Variants in SPECC1 observed in about 807,000 individuals in gnomAD.
The protein encoded by SPECC1 is sperm antigen with calponin homology and coiled-coil domains 1, also known as cytospin-B.
A neutral mutation model predicts 104.1 loss-of-function variants in SPECC1; 62 were observed. The ratio of observed to expected loss-of-function variants is 0.60; its 90% CI spans 0.49 to 0.74. The LOEUF (loss-of-function observed/expected upper bound fraction) is 0.74. Ranked by LOEUF, SPECC1 falls within the 30% of genes least tolerant of loss-of-function variation. The pLI is 0.00. For synonymous variants in SPECC1, 513 were observed against 501.6 expected, an observed-to-expected ratio of 1.02 and a Z score of -0.30; for missense variants, 1,306 against 1,310.5, an observed-to-expected ratio of 1.00 and a Z score of 0.05.
At chr17:20,135,857 C>T (rs936296214) in intron 3 of SPECC1, among the ~76,000 whole-genome samples, 5 of 152,106 alleles carry the variant, frequency 3.3e-5, no homozygotes, top group Non-Finnish European at 5.9e-5. Context: ...ATGAGAAGAC[C>T]ATAAGAAAAG....
At chr17:20,057,010 G>T (rs2045989907) in intron 1 of SPECC1, among the ~76,000 whole-genome samples, 1 of 152,092 alleles carries the variant, frequency 6.6e-6, no homozygotes. Flanking sequence ...ATGATGATGA[G>T]TGTTTTTGCT....
chr17:20,057,796 T>G (rs921158537), intron 1 of SPECC1: 51 of 152,194 alleles, frequency 3.4e-4, no homozygotes, highest in African/African-American at 1.2e-3. Flanking sequence ...CCAGTCCAAG[T>G]GTTTCTATTT....
rs10577710 is a variant in SPECC1, at chr17:20,136,426, T to TAAA, written c.283+25879_283+25881dup. On this transcript the variant is annotated intron_variant, in intron 3 of 14. Transcript: ENST00000395527. ...GGTGGCAGAGCTAGACTCCATCTAT[T>TAAA]AAAAAAAAAAAAAAAAATCTGTCTT... Among the ~76,000 whole-genome samples the TAAA allele has an allele frequency of 5.8e-3, 831 of 144,230 alleles. 6 individuals carry two copies. Among genetic ancestry groups the TAAA allele is most frequent in the African/African-American group, 0.018 (679 of 38,310 alleles). The allele number at this position is 144,230 out of a possible 152,430, so 94.6% of individuals were successfully genotyped here.
intron 1 of SPECC1, among the ~76,000 whole-genome samples, chr17:20,079,085 A>G (rs2046870952): frequency 6.6e-6 from 1 of 152,194 alleles, no homozygotes; most frequent in African/African-American, 2.4e-5. Context: ...AGATGCTTAA[A>G]GGTCTTAACT....
chr17:20,313,271 CAAAA>C (rs1186841916), intron 14 of SPECC1, among the ~76,000 whole-genome samples: 1 of 151,956 alleles, frequency 6.6e-6, no homozygotes, highest in Non-Finnish European at 1.5e-5. Context: ...AACAAACAAA[CAAAA>C]AAACACATTA....
chr17:20,215,387 T>C (rs2037422419), intron 4 of SPECC1, among the ~76,000 whole-genome samples: 1 of 152,216 alleles, frequency 6.6e-6, no homozygotes, highest in South Asian at 2.1e-4. Flanking sequence ...CACTATATAA[T>C]AAACAGATTA....
At chr17:20,018,051 A>T (rs1437542441) in intron 1 of SPECC1, 1 of 152,418 alleles carries the variant, frequency 6.6e-6, no homozygotes, top group Non-Finnish European at 1.5e-5. Context: ...TGTGTATTCC[A>T]TGTGAGGGGA....
At chr17:20,092,582 TC>T (rs760527366) in intron 1 of SPECC1, among the ~76,000 whole-genome samples, 4 of 152,146 alleles carry the variant, frequency 2.6e-5, no homozygotes, top group Non-Finnish European at 5.9e-5. Flanking sequence ...ATCTGATATG[TC>T]TGTCTGCCTC....
At chr17:20,203,302 AG>A (rs2036556670) in intron 3 of SPECC1, among the ~76,000 whole-genome samples, 1 of 150,566 alleles carries the variant, frequency 6.6e-6, no homozygotes, top group Non-Finnish European at 1.5e-5. Context: ...AAAAAAGTCC[AG>A]GATTTTATTT....
At chr17:20,247,124 T>A in intron 8 of SPECC1, 95 bp from the exon 9 acceptor site, 1 of 930,118 alleles carries the variant, frequency 1.1e-6, no homozygotes. Flanking sequence ...GGATACTCCT[T>A]AAGCCACCAA....
intron 14 of SPECC1, among the ~76,000 whole-genome samples, chr17:20,313,260 T>TAACA (rs570187358): frequency 6.6e-6 from 1 of 152,144 alleles, no homozygotes; most frequent in Non-Finnish European, 1.5e-5. Context: ...CTGTATTAAA[T>TAACA]AACAAACAAA....
intron 14 of SPECC1, among the ~76,000 whole-genome samples, chr17:20,306,365 A>G (rs930382241): frequency 2.0e-5 from 3 of 152,242 alleles, no homozygotes; most frequent in African/African-American, 7.2e-5. Context: ...AGAAATCTGA[A>G]TAAAATGCTA....
At chr17:20,206,179 A>G (rs940863335) in intron 4 of SPECC1, among the ~76,000 whole-genome samples, 2 of 152,188 alleles carry the variant, frequency 1.3e-5, no homozygotes, top group African/African-American at 4.8e-5. Context: ...AAAGAATATC[A>G]TACAGCCTAT....
At chr17:20,015,994 G>T (rs2044109732) in intron 1 of SPECC1, among the ~76,000 whole-genome samples, 2 of 150,472 alleles carry the variant, frequency 1.3e-5, no homozygotes, top group Non-Finnish European at 3.0e-5. Flanking sequence ...GATGGATCAC[G>T]AGGTCAGGAG....
intron 2 of SPECC1, 21 bp from the exon 3 acceptor site, chr17:20,110,406 C>T (rs2048427381): frequency 6.3e-7 from 1 of 1,598,618 alleles, no homozygotes; most frequent in Non-Finnish European, 8.5e-7. Context: ...CATCCTCTCT[C>T]TTTCCTTCCA....
intron 7 of SPECC1, chr17:20,238,841 T>G: frequency 3.8e-6 from 4 of 1,045,574 alleles, no homozygotes; most frequent in Non-Finnish European, 4.6e-6. Context: ...GTTGAATATT[T>G]TTATCTGTAA....
chr17:20,190,394 G>GCTGCTGCCCTGCTGCCCTGCTGCC (rs71312905), intron 3 of SPECC1, among the ~76,000 whole-genome samples: 12 of 151,148 alleles, frequency 7.9e-5, no homozygotes. Context: ...AAGCAAGACT[G>GCTGCTGCCCTGCTGCCCTGCTGCC]CTGCTGCCCT....
chr17:20,175,434 C>T (rs1044103982), intron 3 of SPECC1, among the ~76,000 whole-genome samples: 3 of 152,338 alleles, frequency 2.0e-5, no homozygotes, highest in Admixed American at 2.0e-4. Flanking sequence ...TCCTGGCTCT[C>T]TGGCTTTCCT....
chr17:20,292,103 A>T (rs889092212), intron 12 of SPECC1, among the ~76,000 whole-genome samples: 2 of 151,498 alleles, frequency 1.3e-5, no homozygotes, highest in Non-Finnish European at 2.9e-5. Flanking sequence ...GGGTTTGGAG[A>T]TAGGGTCGCA....
Sources: allele counts gnomAD v4.1 joint callset (sites outside exome capture counted in the v4.1 genomes callset), GRCh38; gene constraint gnomAD v4.1.1; transcripts MANE v1.5; gene names NCBI Gene and HGNC (gene_info 2026-07-23, HGNC 2026-07-21).